Variants in DOP1A observed in about 807,000 individuals in gnomAD.
DOP1A encodes the protein protein DOP1A.
Under a neutral mutation model 267.6 loss-of-function variants are expected in DOP1A, and 90 were observed. The observed-to-expected ratio is 0.34, with a 90% CI of 0.28 to 0.40. The LOEUF is 0.40. Among genes scored for constraint, DOP1A ranks in the 10% least tolerant of loss-of-function variants. DOP1A has a pLI of 1.00. For missense variants in DOP1A, 2,437 were observed against 2,900.4 expected (o/e 0.84, Z 3.67); for synonymous variants, 932 against 999.1 (o/e 0.93, Z 1.27).
intron 17 of DOP1A, 30 bp downstream of exon 17, chr6:83,130,427 T>C: frequency 6.3e-7 from 1 of 1,589,068 alleles, no homozygotes; most frequent in Non-Finnish European, 8.6e-7. Context: ...TATATGACTA[T>C]GATGATTACA....
Position 83,140,369 on chromosome 6 carries a change from C to T in DOP1A, c.5381C>T (p.Ala1794Val). The part of the protein sequence containing the change: ...SSEKMTIAAS[A>V]SLTTINLGAT... ...GAAAAGATGACTATTGCCGCATCCGCATCTCTTACCACTATTAATCTTGGA... is the reference window on the plus strand; with the variant it reads ...GAAAAGATGACTATTGCCGCATCCGTATCTCTTACCACTATTAATCTTGGA... The change falls in exon 23 of 39, where the codon GCA (alanine) becomes GTA (valine). Residue 1794 changes from alanine (A) to valine (V), a missense_variant. Around this residue, in one of 9 missense-constraint regions of DOP1A, gnomAD observed 307 missense variants for 308.6 expected, o/e 0.99. Coordinates refer to ENST00000349129, the MANE Select transcript of DOP1A (RefSeq NM_015018.4). The T allele has an allele frequency of 6.2e-7, 1 of 1,611,638 alleles. No homozygotes were observed. The highest frequency in any genetic ancestry group is 8.5e-7 in the Non-Finnish European group (1 of 1,179,422).
At chr6:83,103,033 C>G (rs564554741) in intron 4 of DOP1A, among the ~76,000 whole-genome samples, 17 of 152,158 alleles carry the variant, frequency 1.1e-4, no homozygotes, top group Middle Eastern at 6.8e-3. Flanking sequence ...CTGAAATGGC[C>G]CTTCTTCCAC....
intron 4 of DOP1A, among the ~76,000 whole-genome samples, chr6:83,108,647 T>C (rs1774051956): frequency 6.6e-6 from 1 of 152,096 alleles, no homozygotes; most frequent in Non-Finnish European, 1.5e-5. Context: ...CTGGGGCACA[T>C]TGGGGGAGAA....
At chr6:83,150,874 A>G (rs924790691) in intron 27 of DOP1A, among the ~76,000 whole-genome samples, 17 of 152,180 alleles carry the variant, frequency 1.1e-4, no homozygotes, top group African/African-American at 3.6e-4. Flanking sequence ...TACAAATGCA[A>G]AGTTTGTAAA....
chr6:83,158,384 T>C (rs1358714672), intron 35 of DOP1A, among the ~76,000 whole-genome samples, 183 bp from the exon 36 acceptor site: 3 of 152,210 alleles, frequency 2.0e-5, no homozygotes, highest in Non-Finnish European at 4.4e-5. Context: ...TTTCACCAAA[T>C]GATTAGCAAG....
At position 83,073,302 on chromosome 6, in the gene DOP1A, G is replaced by T. The variant is rs916138162; in HGVS notation, c.-147+5523G>T. Among the ~76,000 whole-genome samples the T allele has an allele frequency of 2.0e-5, 3 of 152,104 alleles. No homozygotes were observed. In the East Asian group the frequency reaches 5.8e-4, roughly 29 times the overall value. ...AGGGTTTCACCATGTTGGCCAGGCT[G>T]GTCTCTATCTCCTGACCTCAGGTGA... On this transcript the variant is annotated intron_variant, in intron 1 of 38. Coordinates refer to ENST00000349129, the MANE Select transcript of DOP1A (RefSeq NM_015018.4).
intron 28 of DOP1A, 61 bp downstream of exon 28, chr6:83,151,720 G>T: frequency 6.6e-7 from 1 of 1,518,210 alleles, no homozygotes; most frequent in South Asian, 1.2e-5. Context: ...TTGAAAATGA[G>T]AGAGTCAAAT....
At chr6:83,155,617 G>A (rs1302850449) in intron 33 of DOP1A, among the ~76,000 whole-genome samples, 1 of 152,118 alleles carries the variant, frequency 6.6e-6, no homozygotes, top group African/African-American at 2.4e-5. Flanking sequence ...TACACCAGAA[G>A]GTATTTTTAA....
At chr6:83,084,558 A>G (rs1768725244) in intron 1 of DOP1A, among the ~76,000 whole-genome samples, 2 of 152,080 alleles carry the variant, frequency 1.3e-5, no homozygotes, top group Non-Finnish European at 2.9e-5. Flanking sequence ...TGGGAGTATC[A>G]TACCTAAGTA....
At chr6:83,118,589 G>C (rs1310272080) in intron 7 of DOP1A, among the ~76,000 whole-genome samples, 1 of 151,984 alleles carries the variant, frequency 6.6e-6, no homozygotes, top group Non-Finnish European at 1.5e-5. Context: ...GTCCCATCTT[G>C]CTTCATTTTA....
Position 83,151,954 on chromosome 6 carries a change from G to A in DOP1A, c.5976G>A (p.Leu1992=). 1 of 1,613,916 alleles carries A rather than the reference G, an allele frequency of 6.2e-7. No homozygotes were observed. The highest frequency in any genetic ancestry group is 2.2e-5 in the East Asian group (1 of 44,852). The stretch of plus-strand genomic sequence containing the variant: ...CTTCTCTGGAACAGACAACATGGCT[G>A]CGACGAAATCTTGAAGTTAAGCCTT... The part of the protein sequence containing the change: ...AGSSLEQTTW[L]RRNLEVKPSP... Residue 1992 remains leucine, a synonymous_variant, in exon 29 of 39, where the codon CTG becomes CTA. Transcript: ENST00000349129.
At chr6:83,160,107 T>C in intron 37 of DOP1A, 147 bp downstream of exon 37, 1 of 779,062 alleles carries the variant, frequency 1.3e-6, no homozygotes, top group South Asian at 1.9e-5. Flanking sequence ...CACAGCAGAG[T>C]TATCGGAAGT....
At chr6:83,079,064 T>C (rs1767625127) in intron 1 of DOP1A, among the ~76,000 whole-genome samples, 1 of 152,222 alleles carries the variant, frequency 6.6e-6, no homozygotes, top group African/African-American at 2.4e-5. Context: ...TCTAGTTTAC[T>C]TTGTCCATCA....
chr6:83,095,868 G>A (rs907103561), intron 1 of DOP1A, among the ~76,000 whole-genome samples: 2 of 152,096 alleles, frequency 1.3e-5, no homozygotes, highest in Non-Finnish European at 2.9e-5. Context: ...TCCTTGTCAC[G>A]AGACCTGCCT....
At chr6:83,068,321 A>G (rs1381352673) in intron 1 of DOP1A, among the ~76,000 whole-genome samples, 1 of 152,198 alleles carries the variant, frequency 6.6e-6, no homozygotes, top group East Asian at 1.9e-4. Context: ...AGAAGAGTCA[A>G]ACGGGTGTTG....
chr6:83,081,610 T>C (rs1225802885), intron 1 of DOP1A, among the ~76,000 whole-genome samples: 1 of 152,134 alleles, frequency 6.6e-6, no homozygotes, highest in African/African-American at 2.4e-5. Flanking sequence ...CAAGAAAAGC[T>C]ATGTGACATT....
chr6:83,134,669 T>C (rs1778607150), intron 19 of DOP1A, among the ~76,000 whole-genome samples: 1 of 152,124 alleles, frequency 6.6e-6, no homozygotes, highest in Non-Finnish European at 1.5e-5. Flanking sequence ...TAAACTAGAT[T>C]TATTAAAATC....
chr6:83,152,361 C>A lies in DOP1A; in HGVS notation c.6123C>A (p.Leu2041=). 1 of 1,505,886 alleles carries A rather than the reference C, an allele frequency of 6.6e-7. No homozygotes were observed. The highest frequency in any genetic ancestry group is 8.9e-7 in the Non-Finnish European group (1 of 1,122,104). The allele number at this position is 1,505,886 out of a possible 1,614,324, so 93.3% of individuals were successfully genotyped here. The change falls in exon 30 of 39, where the codon CTC becomes CTA. Residue 2041 remains leucine (L), a synonymous_variant. Coordinates refer to ENST00000349129, the MANE Select transcript of DOP1A (RefSeq NM_015018.4). The stretch of plus-strand genomic sequence containing the variant: ...ATAGTGTCCATGCATTGACATTACT[C>A]TCTGAGGTAAATATTAAGCTTTTTC... ...SVYSVHALTL[L]SEVLAHLLDM...
intron 20 of DOP1A, 50 bp downstream of exon 20, chr6:83,135,928 A>C: frequency 6.3e-7 from 1 of 1,578,696 alleles, no homozygotes; most frequent in South Asian, 1.2e-5. Context: ...ATTAAAATAA[A>C]GTGATACATG....
Sources: gnomAD v4.1 joint callset for allele counts (sites outside exome capture counted in the v4.1 genomes callset) on GRCh38, gnomAD v4.1.1 for gene constraint, gnomAD v4.1.1 regional missense constraint, MANE v1.5 for transcripts, NCBI Gene and HGNC (gene_info 2026-07-23, HGNC 2026-07-21) for gene names.